MBP: variants seen among roughly 807,000 people sequenced by gnomAD.
MBP encodes Golli-MBP.
A neutral mutation model predicts 35.8 loss-of-function variants in MBP; 16 were observed. The ratio of observed to expected loss-of-function variants is 0.45; its 90% CI spans 0.30 to 0.68. The LOEUF is 0.68. Among genes scored for constraint, MBP ranks in the 30% least tolerant of loss-of-function variants. MBP has a pLI of 0.08. For synonymous variants in MBP, 143 were observed against 159.6 expected, an observed-to-expected ratio of 0.90 and a Z score of 0.78; for missense variants, 380 against 404.7, an observed-to-expected ratio of 0.94 and a Z score of 0.52.
At chr18:76,985,052 G>T in intron 7 of MBP, 158 bp from the exon 8 acceptor site, 1 of 1,484,362 alleles carries the variant, frequency 6.7e-7, no homozygotes, top group Admixed American at 1.9e-5. Flanking sequence ...CGCTGAGGGG[G>T]TGGGGGCGGG....
rs1970510941 is a variant in MBP, at chr18:76,999,392, C to T, written c.577-9332G>A. Reference sequence around the variant, plus strand: ...AACGCTTGTGACGTATAAGGTCATCCTGAAAGTGAACTGAGAGCTGAACTT... The same window carrying T: ...AACGCTTGTGACGTATAAGGTCATCTTGAAAGTGAACTGAGAGCTGAACTT... On this transcript the variant is annotated intron_variant, in intron 4 of 8. Transcript: ENST00000355994. 2.6e-5 allele frequency among the ~76,000 whole-genome samples: 4 copies of T among 152,266 alleles called. No individual in the cohort carries two copies. The South Asian group carries it at 8.3e-4, about 32-fold the overall frequency.
chr18:77,012,424 C>A (rs1435053781), intron 4 of MBP, among the ~76,000 whole-genome samples: 3 of 152,232 alleles, frequency 2.0e-5, no homozygotes, highest in African/African-American at 7.2e-5. Flanking sequence ...TTGAGAGAAA[C>A]ACAAGAAACT....
intron 1 of MBP, among the ~76,000 whole-genome samples, chr18:77,129,921 C>G (rs1297733977): frequency 2.0e-5 from 3 of 151,904 alleles, no homozygotes; most frequent in African/African-American, 4.8e-5. Flanking sequence ...TGGTGGTGCG[C>G]CCCTATAGTC....
intron 1 of MBP, among the ~76,000 whole-genome samples, chr18:77,130,552 G>A (rs1320898908): frequency 6.6e-6 from 1 of 151,972 alleles, no homozygotes; most frequent in African/African-American, 2.4e-5. Context: ...AGGCACAGAG[G>A]CAGCTGCTCA....
intron 3 of MBP, among the ~76,000 whole-genome samples, chr18:77,028,623 AC>A (rs1243190728): frequency 0.026 from 1,114 of 42,872 alleles, 189 homozygotes; most frequent in African/African-American, 0.059. Context: ...CGGGGGGCTG[AC>A]CCCCCCCCAC....
At chr18:77,048,431 C>A (rs1265893859) in intron 3 of MBP, among the ~76,000 whole-genome samples, 1 of 152,186 alleles carries the variant, frequency 6.6e-6, no homozygotes, top group Non-Finnish European at 1.5e-5. Context: ...TGGCATCTGA[C>A]TTTATGCGTC....
intron 4 of MBP, among the ~76,000 whole-genome samples, chr18:77,008,803 T>C (rs1971150666): frequency 6.6e-6 from 1 of 152,220 alleles, no homozygotes; most frequent in Admixed American, 6.5e-5. Context: ...ACTAGCATGA[T>C]GTCTGACATG....
At chr18:77,099,797 G>A (rs1011286442) in intron 2 of MBP, among the ~76,000 whole-genome samples, 8 of 152,366 alleles carry the variant, frequency 5.3e-5, no homozygotes, top group East Asian at 3.9e-4. Flanking sequence ...GGGGGGAGCC[G>A]CCAGCTGGGG....
chr18:77,053,767 GTCAC>G (rs1374436475), intron 3 of MBP, among the ~76,000 whole-genome samples: 1 of 152,244 alleles, frequency 6.6e-6, no homozygotes, highest in African/African-American at 2.4e-5. Flanking sequence ...TGTCCCACCT[GTCAC>G]TCAGTCATCC....
Position 77,028,715 on chromosome 18 carries a change from A to G in MBP, c.140-11447T>C, listed in dbSNP as rs1443384860. Among the ~76,000 whole-genome samples, 9 of 79,928 alleles carry G rather than the reference A, an allele frequency of 1.1e-4. 1 individual carries two copies. The highest frequency in any genetic ancestry group is 3.1e-4 in the African/African-American group (9 of 28,980). 52.4% of individuals were successfully genotyped at this position (79,928 alleles called of 152,430 possible). ...GGGCGGCCGGGCAGAGGCGCCCCTC[A>G]CCTCCCGGACGGGGCGGCTGGCCAG... On this transcript the variant is annotated intron_variant, in intron 3 of 8. Transcript: ENST00000355994.
At chr18:76,980,748 A>G in intron 8 of MBP, 1 of 437,374 alleles carries the variant, frequency 2.3e-6, no homozygotes, top group East Asian at 4.1e-5. Context: ...CTGCAAAACA[A>G]CGCTGCACTT....
chr18:77,053,288 G>A (rs1413259755), intron 3 of MBP, among the ~76,000 whole-genome samples: 8 of 152,224 alleles, frequency 5.3e-5, no homozygotes, highest in Non-Finnish European at 1.2e-4. Context: ...GGGCCCCACT[G>A]CAGGTCCAGC....
chr18:76,992,055 C>CG (rs1969959031), intron 4 of MBP, among the ~76,000 whole-genome samples: 1 of 152,196 alleles, frequency 6.6e-6, no homozygotes, highest in South Asian at 2.1e-4. Flanking sequence ...TGAGCCCAGA[C>CG]GGGGGTCTCC....
intron 3 of MBP, among the ~76,000 whole-genome samples, chr18:77,058,437 G>A (rs1012561075): frequency 2.6e-5 from 4 of 152,194 alleles, no homozygotes; most frequent in Non-Finnish European, 4.4e-5. Flanking sequence ...CGCCAGCCAC[G>A]GGAGGGAGCG....
chr18:77,004,109 T>C (rs1194380795), intron 4 of MBP: 1 of 152,222 alleles, frequency 6.6e-6, no homozygotes, highest in Non-Finnish European at 1.5e-5. Context: ...TGGTGGGCCA[T>C]GCTGTCTCCC....
At chr18:77,043,917 A>G (rs1453684849) in intron 3 of MBP, among the ~76,000 whole-genome samples, 1 of 151,646 alleles carries the variant, frequency 6.6e-6, no homozygotes, top group African/African-American at 2.4e-5. Flanking sequence ...TCCAGGCCGG[A>G]TCTGGTCCCA....
At chr18:77,031,370 G>A (rs1464794033) in intron 3 of MBP, among the ~76,000 whole-genome samples, 1 of 152,164 alleles carries the variant, frequency 6.6e-6, no homozygotes, top group Non-Finnish European at 1.5e-5. Context: ...GCCACCACCT[G>A]CCCTGCCAGC....
At chr18:77,012,133 T>C (rs1182831991) in intron 4 of MBP, among the ~76,000 whole-genome samples, 1 of 152,216 alleles carries the variant, frequency 6.6e-6, no homozygotes, top group African/African-American at 2.4e-5. Flanking sequence ...GCCAATCACT[T>C]ATCTTTACTC....
chr18:77,125,699 C>T (rs1191338165), intron 1 of MBP, among the ~76,000 whole-genome samples: 1 of 152,068 alleles, frequency 6.6e-6, no homozygotes, highest in African/African-American at 2.4e-5. Flanking sequence ...TAAATCATAG[C>T]GTAAATCTAT....
Sources: gnomAD v4.1 joint callset for allele counts (sites outside exome capture counted in the v4.1 genomes callset) on GRCh38, gnomAD v4.1.1 for gene constraint, MANE v1.5 for transcripts, NCBI Gene and HGNC (gene_info 2026-07-23, HGNC 2026-07-21) for gene names.